Variants in INO80 observed in about 807,000 individuals in gnomAD.
INO80 encodes the protein chromatin-remodeling ATPase INO80.
Under a neutral mutation model 203.4 loss-of-function variants are expected in INO80, and 20 were observed. That is an observed-to-expected ratio of 0.10 (90% CI 0.07 to 0.14). INO80 has a LOEUF of 0.14. Ranked by LOEUF, INO80 falls within the 10% of genes least tolerant of loss-of-function variation. INO80 has a pLI of 1.00. For missense variants in INO80, 1,419 were observed against 1,914.4 expected (o/e 0.74, Z 4.83); for synonymous variants, 726 against 685.2 (o/e 1.06, Z -0.93).
intron 29 of INO80, among the ~76,000 whole-genome samples, chr15:40,989,349 A>T (rs1049126692): frequency 6.6e-6 from 1 of 152,180 alleles, no homozygotes; most frequent in Non-Finnish European, 1.5e-5. Flanking sequence ...ACAACAAAAT[A>T]TATCACCACT....
At chr15:41,032,883 C>T (rs528693080) in intron 24 of INO80, among the ~76,000 whole-genome samples, 1 of 152,008 alleles carries the variant, frequency 6.6e-6, no homozygotes, top group Admixed American at 6.6e-5. Flanking sequence ...ACTACAAACA[C>T]AAAAATTAGC....
intron 14 of INO80, among the ~76,000 whole-genome samples, chr15:41,064,139 T>G (rs991776498): frequency 1.3e-5 from 2 of 152,152 alleles, no homozygotes; most frequent in African/African-American, 4.8e-5. Context: ...CTTAACAAAC[T>G]TTGACCTAAA....
At chr15:41,053,898 G>A (rs1368595361) in intron 19 of INO80, 31 bp downstream of exon 19, 1 of 1,550,588 alleles carries the variant, frequency 6.4e-7, no homozygotes, top group East Asian at 2.2e-5. Flanking sequence ...TGCCTATTGA[G>A]GCTTAAACAC....
chr15:41,112,984 C>T (rs907265315), intron 1 of INO80, among the ~76,000 whole-genome samples: 5 of 151,472 alleles, frequency 3.3e-5, no homozygotes, highest in African/African-American at 4.8e-5. Context: ...GGCTCGATCT[C>T]GGCTCACTGC....
intron 8 of INO80, among the ~76,000 whole-genome samples, chr15:41,080,313 T>C (rs1198345985): frequency 1.3e-5 from 2 of 152,206 alleles, no homozygotes; most frequent in African/African-American, 2.4e-5. Context: ...CCCTCATTTA[T>C]AAATGAGGAA....
chr15:41,038,981 G>C (rs918415301), intron 24 of INO80, among the ~76,000 whole-genome samples: 1 of 152,286 alleles, frequency 6.6e-6, no homozygotes, highest in African/African-American at 2.4e-5. Context: ...AAGACAAATA[G>C]GGCTGGGACG....
intron 24 of INO80, among the ~76,000 whole-genome samples, chr15:41,028,536 A>C (rs565660794): frequency 6.6e-6 from 1 of 152,234 alleles, no homozygotes; most frequent in Non-Finnish European, 1.5e-5. Context: ...AGGAAATTCT[A>C]TCTCTTTAGT....
At chr15:41,006,859 T>C (rs2044048655) in intron 27 of INO80, among the ~76,000 whole-genome samples, 1 of 152,234 alleles carries the variant, frequency 6.6e-6, no homozygotes, top group Non-Finnish European at 1.5e-5. Flanking sequence ...AGAGCTGTGA[T>C]AATCAAAGAG....
At chr15:41,030,611 C>A (rs1311011175) in intron 24 of INO80, among the ~76,000 whole-genome samples, 1 of 152,000 alleles carries the variant, frequency 6.6e-6, no homozygotes, top group Non-Finnish European at 1.5e-5. Context: ...ATCCCCTCTC[C>A]TCAGCCTCCC....
intron 24 of INO80, among the ~76,000 whole-genome samples, chr15:41,037,163 A>G (rs1168448809): frequency 6.7e-5 from 2 of 29,948 alleles, no homozygotes; most frequent in Non-Finnish European, 1.3e-3. Context: ...TTGAAAAAAG[A>G]ACAAAAAGAG....
At chr15:41,041,226 C>T (rs994470789) in intron 24 of INO80, among the ~76,000 whole-genome samples, 1 of 151,790 alleles carries the variant, frequency 6.6e-6, no homozygotes, top group Non-Finnish European at 1.5e-5. Context: ...GTAGCTGGAA[C>T]TACAGGTACA....
chr15:41,072,276 G>A (rs1266868458), intron 11 of INO80, among the ~76,000 whole-genome samples: 2 of 151,772 alleles, frequency 1.3e-5, no homozygotes, highest in African/African-American at 4.8e-5. Flanking sequence ...TAGAAATTGG[G>A]GAAGGTCACA....
At chr15:41,084,048 C>G (rs1043927099) in intron 7 of INO80, among the ~76,000 whole-genome samples, 1 of 152,048 alleles carries the variant, frequency 6.6e-6, no homozygotes, top group Non-Finnish European at 1.5e-5. Flanking sequence ...CATAAAATAT[C>G]CCGTTTCTAA....
Position 40,982,876 on chromosome 15 carries a change from T to C in INO80, c.4439A>G (p.Tyr1480Cys). 1.2e-6 allele frequency: 2 copies of C among 1,613,096 alleles called. No homozygotes were observed. The highest frequency in any genetic ancestry group is 1.7e-6 in the Non-Finnish European group (2 of 1,179,906). The part of the protein sequence containing the change: ...ASAAAYAAYG[Y>C]NVSKGISASS... Reference sequence around the variant, plus strand: ...GGCTTCTGTACCTTTAGACACGTTGTACCCGTATGCGGCATAGGCAGCTGC... The same window carrying C: ...GGCTTCTGTACCTTTAGACACGTTGCACCCGTATGCGGCATAGGCAGCTGC... Residue 1480 changes from tyrosine (Y) to cysteine (C), a missense_variant, in exon 35 of 36, where the codon TAC becomes TGC. Around this residue, in one of 9 missense-constraint regions of INO80, gnomAD observed 112 missense variants for 106.2 expected, o/e 1.05. Transcript: ENST00000648947.
rs372166913 is a variant in INO80 at position 40,980,189 on chromosome 15, G to A, written c.*34C>T. The stretch of plus-strand genomic sequence containing the variant: ...ACTGGCAGGTCAGGACTCTAGCCCT[G>A]GTTTGGTTGAAGGAAGTCGGAGGGC... On this transcript the variant is annotated 3_prime_UTR_variant, in exon 36 of 36. Transcript: ENST00000648947. 3.0e-5 allele frequency: 47 copies of A among 1,565,834 alleles called. No homozygotes were observed. The African/African-American group carries it at 5.8e-4, about 19-fold the overall frequency.
chr15:41,026,926 T>C (rs893083569), intron 25 of INO80, among the ~76,000 whole-genome samples: 1 of 152,224 alleles, frequency 6.6e-6, no homozygotes, highest in African/African-American at 2.4e-5. Context: ...GGGCTCTATT[T>C]TGATAAACAG....
rs947110087 is a variant in INO80, at chr15:41,083,126, CA to C, written c.874-2054del. Among the ~76,000 whole-genome samples, 20 of 149,906 alleles carry C rather than the reference CA, an allele frequency of 1.3e-4. No individual in the cohort carries two copies. In the East Asian group the frequency reaches 3.5e-3, roughly 27 times the overall value. ...TGAAACCTTGTCTCTACTAAAAATA[CA>C]AAAAAAAATTAGCCAGGTGTCGTGG... On this transcript the variant is annotated intron_variant, in intron 7 of 35. Transcript: ENST00000648947.
chr15:41,053,145 G>A (rs978483537), intron 19 of INO80, among the ~76,000 whole-genome samples: 2 of 151,916 alleles, frequency 1.3e-5, no homozygotes, highest in South Asian at 4.2e-4. Flanking sequence ...TCGCTTTGTC[G>A]CCCAGGCTGG....
Position 41,048,287 on chromosome 15 carries a change from A to G in INO80, c.2577-11T>C. On this transcript the variant is annotated splice_polypyrimidine_tract_variant and intron_variant, in intron 21 of 35. Transcript: ENST00000648947. ...AGAACCCTTAACCACCTGCAAAGTAAGTAAATAAAATAAAGCCAAACCCAA... is the reference window on the plus strand; with the variant it reads ...AGAACCCTTAACCACCTGCAAAGTAGGTAAATAAAATAAAGCCAAACCCAA... The G allele has an allele frequency of 6.2e-7, 1 of 1,605,286 alleles. No homozygotes were observed. Among genetic ancestry groups the G allele is most frequent in the Non-Finnish European group, 8.5e-7 (1 of 1,172,268 alleles).
Sources: allele counts gnomAD v4.1 joint callset (sites outside exome capture counted in the v4.1 genomes callset), GRCh38; gene constraint gnomAD v4.1.1; regional missense constraint gnomAD v4.1.1; transcripts MANE v1.5; gene names NCBI Gene and HGNC (gene_info 2026-07-23, HGNC 2026-07-21).